CCDC141: variants seen among roughly 807,000 people sequenced by gnomAD.
CCDC141 encodes coiled-coil domain-containing protein 141.
In CCDC141, 168 loss-of-function variants were observed where a neutral mutation model predicts 181.0. The ratio of observed to expected loss-of-function variants is 0.93; its 90% CI spans 0.82 to 1.05. The LOEUF (loss-of-function observed/expected upper bound fraction) is 1.05, where lower values mean the gene tolerates loss of function less well. CCDC141 is among the 50% of genes least tolerant of loss of function. CCDC141 has a pLI of 0.00. For missense variants in CCDC141, 1,902 were observed against 1,788.5 expected (o/e 1.06, Z -1.14); for synonymous variants, 666 against 642.3 (o/e 1.04, Z -0.56).
At chr2:178,929,597 G>C (rs1430795303) in intron 6 of CCDC141, among the ~76,000 whole-genome samples, 1 of 152,104 alleles carries the variant, frequency 6.6e-6, no homozygotes, top group Non-Finnish European at 1.5e-5. Context: ...AATTACCTCA[G>C]TAATGTATCT....
intron 6 of CCDC141, among the ~76,000 whole-genome samples, chr2:178,937,667 C>T (rs112043205): frequency 6.6e-6 from 1 of 151,900 alleles, no homozygotes; most frequent in African/African-American, 2.4e-5. Flanking sequence ...CTTCTTTGTA[C>T]CTCTGGTGGA....
chr2:178,940,357 A>G (rs1425978838), intron 6 of CCDC141, among the ~76,000 whole-genome samples: 3 of 152,208 alleles, frequency 2.0e-5, no homozygotes, highest in Non-Finnish European at 4.4e-5. Flanking sequence ...TATAAACTAG[A>G]TGCAAACAGT....
chr2:178,996,567 A>G (rs1351093347), intron 2 of CCDC141, among the ~76,000 whole-genome samples: 2 of 152,198 alleles, frequency 1.3e-5, no homozygotes, highest in Non-Finnish European at 2.9e-5. Context: ...GGAACCTGTT[A>G]GGCTTGTTAA....
At chr2:179,031,838 G>T (rs1458857012) in intron 2 of CCDC141, among the ~76,000 whole-genome samples, 1 of 152,018 alleles carries the variant, frequency 6.6e-6, no homozygotes, top group Non-Finnish European at 1.5e-5. Flanking sequence ...AATAGCCTTG[G>T]GTGGTTTGGG....
At chr2:178,864,295 C>T (rs1685747120) in intron 17 of CCDC141, among the ~76,000 whole-genome samples, 1 of 152,174 alleles carries the variant, frequency 6.6e-6, no homozygotes, top group African/African-American at 2.4e-5. Flanking sequence ...TAAGGAAAGA[C>T]TGTAAAGGAA....
chr2:178,974,091 G>A (rs1414050153), intron 4 of CCDC141, among the ~76,000 whole-genome samples: 2 of 152,038 alleles, frequency 1.3e-5, no homozygotes, highest in African/African-American at 4.8e-5. Context: ...ACATAGGAAA[G>A]ATTGAGTCCT....
At chr2:178,986,037 T>A (rs1400448318) in intron 2 of CCDC141, among the ~76,000 whole-genome samples, 2 of 152,118 alleles carry the variant, frequency 1.3e-5, no homozygotes, top group Non-Finnish European at 2.9e-5. Context: ...TAGACCAATA[T>A]CCTTGATGAA....
At chr2:178,992,561 C>A (rs1692106766) in intron 2 of CCDC141, among the ~76,000 whole-genome samples, 1 of 152,086 alleles carries the variant, frequency 6.6e-6, no homozygotes, top group African/African-American at 2.4e-5. Context: ...GACTGTACTT[C>A]TATGCCTCCT....
chr2:179,014,141 C>T (rs933480889), intron 2 of CCDC141, among the ~76,000 whole-genome samples: 36 of 152,022 alleles, frequency 2.4e-4, no homozygotes, highest in African/African-American at 8.2e-4. Flanking sequence ...AACTGATCTT[C>T]GACAAAGCAA....
At chr2:178,989,605 AAAAT>A (rs566226723) in intron 2 of CCDC141, among the ~76,000 whole-genome samples, 1,552 of 136,568 alleles carry the variant, frequency 0.011, 47 homozygotes, top group East Asian at 0.032. Flanking sequence ...AAAAAAAAAA[AAAAT>A]AAATAAATAA....
intron 17 of CCDC141, among the ~76,000 whole-genome samples, chr2:178,858,378 CG>C: frequency 6.6e-6 from 1 of 151,950 alleles, no homozygotes; most frequent in East Asian, 1.9e-4. Context: ...GATATAAAGG[CG>C]TTATATCCTT....
intron 2 of CCDC141, among the ~76,000 whole-genome samples, chr2:178,993,345 A>G (rs1037351361): frequency 6.6e-6 from 1 of 152,224 alleles, no homozygotes; most frequent in African/African-American, 2.4e-5. Flanking sequence ...AAGCCTCACA[A>G]TCATAGCAGA....
chr2:178,981,584 G>A (rs1691394943), intron 2 of CCDC141, among the ~76,000 whole-genome samples: 1 of 143,142 alleles, frequency 7.0e-6, no homozygotes, highest in African/African-American at 2.6e-5. Context: ...TTTTTAAGAT[G>A]CCACAACAGC....
intron 6 of CCDC141, among the ~76,000 whole-genome samples, chr2:178,929,299 G>C (rs1689014657): frequency 6.6e-6 from 1 of 152,046 alleles, no homozygotes; most frequent in Admixed American, 6.6e-5. Context: ...AAGGAATTTG[G>C]GGAGGTAATG....
chr2:178,816,798 G>A, the CCDC141 span, among the ~76,000 whole-genome samples: 10 of 152,272 alleles, frequency 6.6e-5, no homozygotes, highest in East Asian at 1.9e-3. Context: ...GATAATTAGG[G>A]AGTATTCTAC....
At chr2:178,987,842 G>A (rs1262987237) in intron 2 of CCDC141, among the ~76,000 whole-genome samples, 44 of 150,210 alleles carry the variant, frequency 2.9e-4, no homozygotes, top group Non-Finnish European at 4.7e-4. Flanking sequence ...AGGATGTGGA[G>A]AAATAGGAAC....
chr2:178,957,127 C>A (rs1690194938), intron 5 of CCDC141, among the ~76,000 whole-genome samples: 2 of 152,160 alleles, frequency 1.3e-5, no homozygotes, highest in Non-Finnish European at 2.9e-5. Context: ...CCTGCCTCGG[C>A]CTCCCAAAGT....
At chr2:178,989,902 G>C (rs889607364) in intron 2 of CCDC141, among the ~76,000 whole-genome samples, 10 of 149,944 alleles carry the variant, frequency 6.7e-5, no homozygotes, top group African/African-American at 2.4e-4. Context: ...CACTTTGGGA[G>C]GCTGAGGCAG....
At chr2:178,957,159 CA>C (rs917938788) in intron 5 of CCDC141, among the ~76,000 whole-genome samples, 8 of 152,192 alleles carry the variant, frequency 5.3e-5, no homozygotes, top group African/African-American at 1.9e-4. Flanking sequence ...AGTCGTGAGC[CA>C]CCGGGCCTGG....
Sources: allele counts gnomAD v4.1 joint callset (sites outside exome capture counted in the v4.1 genomes callset), GRCh38; gene constraint gnomAD v4.1.1; transcripts MANE v1.5; gene names NCBI Gene and HGNC (gene_info 2026-07-23, HGNC 2026-07-21).